Variants in SLC44A5 observed in about 807,000 individuals in gnomAD.
SLC44A5 encodes the protein solute carrier family 44 member 5.
In SLC44A5, 57 loss-of-function variants were observed where a neutral mutation model predicts 101.8. That is an observed-to-expected ratio of 0.56 (90% confidence interval 0.45 to 0.70). The LOEUF is 0.70. Ranked by LOEUF, SLC44A5 falls within the 30% of genes least tolerant of loss-of-function variation. The pLI is 0.00. For synonymous variants in SLC44A5, 281 were observed against 290.9 expected (o/e 0.97, Z 0.35); for missense variants, 737 against 853.1 (o/e 0.86, Z 1.70).
intron 2 of SLC44A5, 140 bp downstream of exon 2, chr1:75,541,295 T>A (rs2101951856): frequency 1.5e-6 from 1 of 649,808 alleles, no homozygotes; most frequent in African/African-American, 1.8e-5. Context: ...TCTAACATGC[T>A]GTAGTTTTCC....
chr1:75,239,583 C>T (rs529979088), intron 9 of SLC44A5, among the ~76,000 whole-genome samples: 4 of 152,078 alleles, frequency 2.6e-5, no homozygotes, highest in East Asian at 1.9e-4. Flanking sequence ...GCACTTAGGA[C>T]GTGGCTGATT....
intron 3 of SLC44A5, among the ~76,000 whole-genome samples, chr1:75,367,939 C>T (rs1183961586): frequency 2.6e-5 from 4 of 152,300 alleles, no homozygotes; most frequent in Middle Eastern, 6.8e-3. Context: ...GCCACCAAAT[C>T]GCTGACGTCA....
At chr1:75,222,487 C>G (rs1343790740) in intron 13 of SLC44A5, 27 bp from the exon 14 acceptor site, 7 of 1,414,910 alleles carry the variant, frequency 4.9e-6, no homozygotes, top group Non-Finnish European at 7.0e-6. Context: ...AAAAATCAGT[C>G]TGTAATACAA....
At chr1:75,622,259 C>T in the SLC44A5 span, among the ~76,000 whole-genome samples, 7 of 152,022 alleles carry the variant, frequency 4.6e-5, no homozygotes, top group Non-Finnish European at 8.8e-5. Flanking sequence ...GTCCTCCTCA[C>T]CCCACCCCCA....
At chr1:75,645,771 A>C in the SLC44A5 span, among the ~76,000 whole-genome samples, 2 of 136,088 alleles carry the variant, frequency 1.5e-5, 1 homozygote, top group Admixed American at 1.5e-4. Flanking sequence ...TTAGGTTCTA[A>C]CAATTAAGTC....
At chr1:75,595,902 T>A (rs1674603815) in intron 1 of SLC44A5, among the ~76,000 whole-genome samples, 1 of 152,200 alleles carries the variant, frequency 6.6e-6, no homozygotes, top group South Asian at 2.1e-4. Flanking sequence ...AAAGTTCCTG[T>A]TAAAAAGAGA....
intron 1 of SLC44A5, among the ~76,000 whole-genome samples, chr1:75,581,116 G>C (rs1673673482): frequency 6.6e-6 from 1 of 152,200 alleles, no homozygotes; most frequent in Non-Finnish European, 1.5e-5. Flanking sequence ...AGACAAGCCA[G>C]ACCCTGAAGG....
the SLC44A5 span, among the ~76,000 whole-genome samples, chr1:75,620,247 G>A: frequency 6.6e-6 from 1 of 152,144 alleles, no homozygotes; most frequent in African/African-American, 2.4e-5. Context: ...GGGCCTTTGG[G>A]TTGGTTCCAA....
intron 2 of SLC44A5, among the ~76,000 whole-genome samples, chr1:75,434,509 A>T (rs542859869): frequency 6.6e-6 from 1 of 152,198 alleles, no homozygotes; most frequent in East Asian, 1.9e-4. Context: ...TGTGGAAATG[A>T]ACTCCCACTG....
the SLC44A5 span, among the ~76,000 whole-genome samples, chr1:75,707,385 T>C: frequency 5.3e-5 from 8 of 152,138 alleles, no homozygotes; most frequent in Non-Finnish European, 8.8e-5. Context: ...TTTTTTTCCC[T>C]CCTTTCTGAG....
chr1:75,373,097 CAA>C (rs1660337263), intron 3 of SLC44A5, among the ~76,000 whole-genome samples: 1 of 152,050 alleles, frequency 6.6e-6, no homozygotes. Context: ...TAAATTAGGT[CAA>C]AGTGTCAGAA....
At chr1:75,697,472 T>C in the SLC44A5 span, among the ~76,000 whole-genome samples, 4 of 152,196 alleles carry the variant, frequency 2.6e-5, no homozygotes, top group Non-Finnish European at 4.4e-5. Flanking sequence ...TCTAAGCTTG[T>C]GCACAAAGTT....
intron 2 of SLC44A5, among the ~76,000 whole-genome samples, chr1:75,523,296 CT>C (rs1292772935): frequency 6.6e-6 from 1 of 152,088 alleles, no homozygotes; most frequent in Non-Finnish European, 1.5e-5. Context: ...TATTGGGTCA[CT>C]TTTGTTCATA....
intron 6 of SLC44A5, among the ~76,000 whole-genome samples, chr1:75,254,716 C>G (rs1390273284): frequency 6.6e-6 from 1 of 152,034 alleles, no homozygotes; most frequent in Non-Finnish European, 1.5e-5. Context: ...GAGGGTGGGA[C>G]AGAATTTGCC....
chr1:75,489,838 C>A lies in SLC44A5; in HGVS notation c.13+51597G>T, dbSNP rs191282470. Among the ~76,000 whole-genome samples, 4 of 152,188 alleles carry A rather than the reference C, an allele frequency of 2.6e-5. No homozygotes were observed. In the East Asian group the frequency reaches 7.7e-4, roughly 29 times the overall value. ...AGATGTACTCACTTTTAATAGTAAG[C>A]AAAATAAATAATTTGTACCTACTAA... is the stretch of plus-strand genomic sequence containing the variant. On this transcript the variant is annotated intron_variant, in intron 2 of 23. Transcript: ENST00000370859.
At chr1:75,486,594 T>C (rs1362315493) in intron 2 of SLC44A5, among the ~76,000 whole-genome samples, 1 of 152,200 alleles carries the variant, frequency 6.6e-6, no homozygotes, top group African/African-American at 2.4e-5. Flanking sequence ...AGAAACTTTT[T>C]AACTGTTAAA....
At chr1:75,695,440 G>A in the SLC44A5 span, among the ~76,000 whole-genome samples, 3 of 152,080 alleles carry the variant, frequency 2.0e-5, no homozygotes, top group Non-Finnish European at 4.4e-5. Flanking sequence ...AACTCCTGGA[G>A]GTCCAATTAT....
intron 4 of SLC44A5, among the ~76,000 whole-genome samples, chr1:75,325,625 AT>A (rs1034478220): frequency 2.0e-5 from 3 of 152,088 alleles, no homozygotes; most frequent in Non-Finnish European, 4.4e-5. Flanking sequence ...TAATTGTTGT[AT>A]TTTATTATTA....
intron 6 of SLC44A5, among the ~76,000 whole-genome samples, chr1:75,253,159 C>T (rs1649723572): frequency 6.6e-6 from 1 of 152,174 alleles, no homozygotes; most frequent in African/African-American, 2.4e-5. Flanking sequence ...AACACATCAT[C>T]CCTTTTCTTC....
Sources: gnomAD v4.1 joint callset for allele counts (sites outside exome capture counted in the v4.1 genomes callset) on GRCh38, gnomAD v4.1.1 for gene constraint, MANE v1.5 for transcripts, NCBI Gene and HGNC (gene_info 2026-07-23, HGNC 2026-07-21) for gene names.